SLC1A1: variants seen among roughly 807,000 people sequenced by gnomAD.
SLC1A1 encodes solute carrier family 1 member 1.
SLC1A1 carries 43 observed loss-of-function variants against 53.3 expected under a neutral mutation model. The ratio of observed to expected loss-of-function variants is 0.81; its 90% CI spans 0.63 to 1.04. The LOEUF (loss-of-function observed/expected upper bound fraction) is 1.04. Among genes scored for constraint, SLC1A1 ranks in the 50% least tolerant of loss-of-function variants. The pLI is 0.00. For missense variants in SLC1A1, 748 were observed against 664.9 expected (o/e 1.12, Z -1.37); for synonymous variants, 307 against 243.2 (o/e 1.26, Z -2.44).
chr9:4,558,773 C>G (rs960013015), intron 2 of SLC1A1, among the ~76,000 whole-genome samples: 4 of 152,118 alleles, frequency 2.6e-5, no homozygotes, highest in African/African-American at 9.7e-5. Context: ...CTCTGTGACT[C>G]TCACTTGTCA....
chr9:4,561,193 A>T (rs1213032864), intron 2 of SLC1A1, among the ~76,000 whole-genome samples: 1 of 152,182 alleles, frequency 6.6e-6, no homozygotes. Flanking sequence ...CTCCAGGAAG[A>T]TCTGAAGGCA....
At chr9:4,518,675 G>A (rs906809194) in intron 1 of SLC1A1, among the ~76,000 whole-genome samples, 1 of 152,190 alleles carries the variant, frequency 6.6e-6, no homozygotes, top group Non-Finnish European at 1.5e-5. Context: ...TTCACATGGA[G>A]AAGCTATCAG....
chr9:4,505,929 T>C (rs1233052185), intron 1 of SLC1A1, among the ~76,000 whole-genome samples: 1 of 152,222 alleles, frequency 6.6e-6, no homozygotes, highest in Non-Finnish European at 1.5e-5. Context: ...GTTCAAGCGA[T>C]TCTCCTGCCT....
chr9:4,505,694 T>G (rs1043745665), intron 1 of SLC1A1, among the ~76,000 whole-genome samples: 1 of 152,204 alleles, frequency 6.6e-6, no homozygotes, highest in Non-Finnish European at 1.5e-5. Flanking sequence ...TCTCACACTG[T>G]TACCCAGGCT....
intron 1 of SLC1A1, among the ~76,000 whole-genome samples, chr9:4,505,074 CCTCA>C (rs1422636134): frequency 8.5e-5 from 10 of 117,932 alleles, no homozygotes; most frequent in Non-Finnish European, 1.7e-5. Context: ...TGAGATACAG[CCTCA>C]CTATGTCGCC....
intron 1 of SLC1A1, among the ~76,000 whole-genome samples, chr9:4,524,063 T>G (rs565608310): frequency 6.6e-6 from 1 of 152,344 alleles, no homozygotes; most frequent in Non-Finnish European, 1.5e-5. Flanking sequence ...CATCTATATT[T>G]CCCCATTTGG....
chr9:4,580,495 C>T (rs892834622), intron 10 of SLC1A1, among the ~76,000 whole-genome samples: 3 of 151,148 alleles, frequency 2.0e-5, no homozygotes, highest in South Asian at 2.1e-4. Context: ...GCAAGAAGAT[C>T]GCTTGAGCCC....
At chr9:4,582,757 T>C (rs1356185704) in intron 10 of SLC1A1, among the ~76,000 whole-genome samples, 1 of 152,164 alleles carries the variant, frequency 6.6e-6, no homozygotes, top group Non-Finnish European at 1.5e-5. Flanking sequence ...TCTTACTTAT[T>C]TTTTGGTGCC....
chr9:4,509,990 T>A (rs1212450359), intron 1 of SLC1A1, among the ~76,000 whole-genome samples: 1 of 152,100 alleles, frequency 6.6e-6, no homozygotes, highest in African/African-American at 2.4e-5. Context: ...TGTGCCACCA[T>A]GCCTGGCTAA....
intron 6 of SLC1A1, among the ~76,000 whole-genome samples, chr9:4,568,543 A>G (rs1015750248): frequency 6.6e-6 from 1 of 151,924 alleles, no homozygotes; most frequent in African/African-American, 2.4e-5. Context: ...AAATATAGTG[A>G]GACCCCATAT....
intron 10 of SLC1A1, among the ~76,000 whole-genome samples, chr9:4,578,835 CTATGTTAGAGTGA>C (rs1820801317): frequency 6.6e-6 from 1 of 152,194 alleles, no homozygotes; most frequent in Non-Finnish European, 1.5e-5. Flanking sequence ...TTGGACAGCA[CTATGTTAGAGTGA>C]TAGGCTGGGA....
chr9:4,568,609 T>C (rs768645774), intron 6 of SLC1A1, among the ~76,000 whole-genome samples: 1 of 150,628 alleles, frequency 6.6e-6, no homozygotes, highest in South Asian at 2.1e-4. Flanking sequence ...TAGTCCCAGA[T>C]ACTTGAGAGG....
At chr9:4,573,706 G>A (rs761518406) in intron 7 of SLC1A1, among the ~76,000 whole-genome samples, 1 of 152,068 alleles carries the variant, frequency 6.6e-6, no homozygotes, top group Non-Finnish European at 1.5e-5. Context: ...AGAATTTAAG[G>A]TGCACACAGG....
chr9:4,560,813 T>C (rs1818862041), intron 2 of SLC1A1, among the ~76,000 whole-genome samples: 1 of 151,704 alleles, frequency 6.6e-6, no homozygotes, highest in East Asian at 1.9e-4. Flanking sequence ...CTGGCCAACA[T>C]GGTGGAACCT....
chr9:4,563,156 A>AAG (rs1404379303), intron 3 of SLC1A1, among the ~76,000 whole-genome samples: 2 of 151,844 alleles, frequency 1.3e-5, no homozygotes, highest in Non-Finnish European at 2.9e-5. Flanking sequence ...GAAAAAAAAA[A>AAG]AAGAAGAATG....
chr9:4,515,876 G>C (rs1322858386), intron 1 of SLC1A1, among the ~76,000 whole-genome samples: 8 of 152,118 alleles, frequency 5.3e-5, no homozygotes, highest in Non-Finnish European at 1.2e-4. Context: ...CTTCTGTCCT[G>C]TGTGTTTCCA....
chr9:4,572,480 T>C lies in SLC1A1; in HGVS notation c.767+92T>C, dbSNP rs3780412. On this transcript the variant is annotated intron_variant, in intron 7 of 11. Transcript: ENST00000262352. ...AAGAGGTTTTATGTTTGTCAACTGA[T>C]GAAGCTAGAGAAGTTGGACATTTAA... 0.44 allele frequency: 486,430 copies of C among 1,107,596 alleles called. 110,868 individuals carry two copies. The highest frequency in any genetic ancestry group is 0.59 in the African/African-American group (38,543 of 65,160). 68.6% of individuals were successfully genotyped at this position (1,107,596 alleles called of 1,614,324 possible). A position where few individuals can be genotyped will look rare whatever the true frequency, so the allele number is the denominator to read the frequency against.
chr9:4,511,652 C>G (rs1362146388), intron 1 of SLC1A1, among the ~76,000 whole-genome samples: 1 of 151,948 alleles, frequency 6.6e-6, no homozygotes, highest in East Asian at 1.9e-4. Flanking sequence ...TGCTTTCCCC[C>G]TAAGAGCAGG....
chr9:4,567,811 C>A (rs376062521), intron 6 of SLC1A1, 44 bp downstream of exon 6: 1 of 1,184,272 alleles, frequency 8.4e-7, no homozygotes, highest in South Asian at 1.2e-5. Flanking sequence ...GAGACAGGCA[C>A]TGAGTCATGA....
Sources: gnomAD v4.1 joint callset for allele counts (sites outside exome capture counted in the v4.1 genomes callset) on GRCh38, gnomAD v4.1.1 for gene constraint, MANE v1.5 for transcripts, NCBI Gene and HGNC (gene_info 2026-07-23, HGNC 2026-07-21) for gene names.